Variants in PCDHGB6 observed in about 807,000 individuals in gnomAD.
PCDHGB6 encodes the protein protocadherin gamma-B6.
A neutral mutation model predicts 59.1 loss-of-function variants in PCDHGB6; 51 were observed. The observed-to-expected ratio is 0.86, with a 90% CI of 0.69 to 1.09. The LOEUF (loss-of-function observed/expected upper bound fraction) is 1.09. Among genes scored for constraint, PCDHGB6 ranks in the 50% least tolerant of loss-of-function variants. PCDHGB6 has a pLI of 0.00. For missense variants in PCDHGB6, 1,148 were observed against 1,205.1 expected, an observed-to-expected ratio of 0.95 and a Z score of 0.70; for synonymous variants, 466 against 495.1, an observed-to-expected ratio of 0.94 and a Z score of 0.78.
At chr5:141,411,846 T>C (rs962000304) in intron 1 of PCDHGB6, 1 of 151,734 alleles carries the variant, frequency 6.6e-6, no homozygotes, top group African/African-American at 2.4e-5. Context: ...GGTGACAGAG[T>C]GAGACCCTGT....
intron 1 of PCDHGB6, chr5:141,427,194 T>G (rs759512205): frequency 6.6e-6 from 3 of 456,512 alleles, no homozygotes; most frequent in Non-Finnish European, 1.3e-5. Context: ...ATCCAAAGAC[T>G]TAATAGACTT....
chr5:141,486,967 G>C lies in PCDHGB6; in HGVS notation c.2419-7840G>C. The C allele has an allele frequency of 6.2e-7, 1 of 1,614,202 alleles. No homozygotes were observed. Among genetic ancestry groups the C allele is most frequent in the Non-Finnish European group, 8.5e-7 (1 of 1,180,032 alleles). ...TCACAAAGGTGACTGCTGTGGACTT[G>C]GATTCAGGTTACAATGCTTGGGTTT... On this transcript the variant is annotated intron_variant, in intron 1 of 3. Transcript: ENST00000520790. The surrounding 1 kb of genome is among the most constrained non-coding windows in gnomAD (Gnocchi z 5.0).
intron 1 of PCDHGB6, chr5:141,419,059 T>C (rs574873856): frequency 1.6e-5 from 26 of 1,613,962 alleles, no homozygotes; most frequent in Non-Finnish European, 2.0e-5. Context: ...CTTCTAATAA[T>C]TACTACAAGC....
chr5:141,478,870 GT>G, intron 1 of PCDHGB6: 1 of 1,273,360 alleles, frequency 7.9e-7, no homozygotes, highest in Non-Finnish European at 1.0e-6. Context: ...AGCGATCAGA[GT>G]TTAGCTTGGT....
chr5:141,420,846 T>C (rs2096528755), intron 1 of PCDHGB6, among the ~76,000 whole-genome samples: 1 of 152,252 alleles, frequency 6.6e-6, no homozygotes, highest in Non-Finnish European at 1.5e-5. Context: ...GTGTTCTTGG[T>C]AAAGTTTTAA....
At chr5:141,450,551 G>T (rs2098684306) in intron 1 of PCDHGB6, among the ~76,000 whole-genome samples, 1 of 150,822 alleles carries the variant, frequency 6.6e-6, no homozygotes, top group Admixed American at 6.6e-5. Flanking sequence ...CAGTGGCGCA[G>T]TCTCGGCTCA....
intron 1 of PCDHGB6, chr5:141,415,086 G>C: frequency 5.6e-6 from 9 of 1,613,554 alleles, no homozygotes; most frequent in Non-Finnish European, 6.8e-6. Context: ...GAGCCCTGCT[G>C]GACAGAGACG....
intron 1 of PCDHGB6, among the ~76,000 whole-genome samples, chr5:141,474,703 C>G (rs2099353282): frequency 6.6e-6 from 1 of 152,188 alleles, no homozygotes; most frequent in Admixed American, 6.5e-5. Flanking sequence ...GTTCAAGGTT[C>G]TATTATACTT....
chr5:141,486,706 C>T lies in PCDHGB6; in HGVS notation c.2419-8101C>T. 1.2e-6 allele frequency: 2 copies of T among 1,614,154 alleles called. No homozygotes were observed. Among genetic ancestry groups the T allele is most frequent in the Admixed American group, 1.7e-5 (1 of 60,020 alleles). On this transcript the variant is annotated intron_variant, in intron 1 of 3. Transcript: ENST00000520790. This position sits in a 1 kb window ranked among gnomAD's most constrained non-coding sequence, Gnocchi z 5.0. ...CAGCTTCCTCTTTCATCTCTCTGAACCCCCAGACAGGAGCTGTTCATGCTA... is the reference window on the plus strand; with the variant it reads ...CAGCTTCCTCTTTCATCTCTCTGAATCCCCAGACAGGAGCTGTTCATGCTA...
chr5:141,419,644 CG>C (rs1418985518), intron 1 of PCDHGB6: 2 of 1,612,396 alleles, frequency 1.2e-6, no homozygotes, highest in Non-Finnish European at 1.7e-6. Flanking sequence ...TGGCCGTGGA[CG>C]CGGACTCGGG....
intron 1 of PCDHGB6, among the ~76,000 whole-genome samples, chr5:141,492,760 C>T (rs991820569): frequency 1.3e-5 from 2 of 152,212 alleles, no homozygotes; most frequent in Admixed American, 1.3e-4. Context: ...CAGGGCTCCG[C>T]GTTGGGCGAG....
chr5:141,497,540 CTTT>C (rs754207034), intron 2 of PCDHGB6, among the ~76,000 whole-genome samples: 11 of 134,886 alleles, frequency 8.2e-5, no homozygotes, highest in African/African-American at 1.9e-4. Context: ...TGCAACAAAC[CTTT>C]TTTTTTTTTT....
At chr5:141,444,188 T>TTTTTTTTTTG (rs2098424052) in intron 1 of PCDHGB6, among the ~76,000 whole-genome samples, 1 of 129,374 alleles carries the variant, frequency 7.7e-6, no homozygotes, top group African/African-American at 3.1e-5. Flanking sequence ...TTTTTTTTTT[T>TTTTTTTTTTG]GAGATGGAGT....
rs1356654620 is a variant in PCDHGB6 at position 141,490,430 on chromosome 5, TTAA to T, written c.2419-4376_2419-4374del. On this transcript the variant is annotated intron_variant, in intron 1 of 3. Coordinates refer to ENST00000520790, the MANE Select transcript of PCDHGB6 (RefSeq NM_018926.3). The surrounding 1 kb of genome is among the most constrained non-coding windows in gnomAD (Gnocchi z 5.4). ...ATCTCTCCGGACCTGCCATTTCAGA[TTAA>T]GCCTTCTGAGAACCACTACTCGCTG... 1 of 1,614,162 alleles carries T rather than the reference TTAA, an allele frequency of 6.2e-7. No individual in the cohort carries two copies.
In PCDHGB6 at chr5:141,409,079, T is replaced by C. The variant is rs2095221320; in HGVS notation, c.877T>C (p.Ser293Pro). 2.5e-6 allele frequency: 4 copies of C among 1,613,908 alleles called. No individual in the cohort carries two copies. The highest frequency in any genetic ancestry group is 3.4e-6 in the Non-Finnish European group (4 of 1,179,910). The change falls in exon 1 of 4, where the codon TCA becomes CCA. Residue 293 changes from serine to proline, a missense_variant. Coordinates refer to ENST00000520790, the MANE Select transcript of PCDHGB6 (RefSeq NM_018926.3). ...STAQSTKHMF[S>P]LDEKTGMIKN... ...TGCCCAGAGCACAAAACATATGTTC[T>C]CATTGGATGAGAAAACAGGTATGAT... is the stretch of plus-strand genomic sequence containing the variant.
intron 1 of PCDHGB6, chr5:141,433,169 C>T: frequency 6.2e-7 from 1 of 1,613,000 alleles, no homozygotes; most frequent in Non-Finnish European, 8.5e-7. Context: ...TAAAGACAGT[C>T]ATGGGTTAAT....
At chr5:141,445,524 TA>T (rs1180348783) in intron 1 of PCDHGB6, among the ~76,000 whole-genome samples, 1 of 152,192 alleles carries the variant, frequency 6.6e-6, no homozygotes, top group Admixed American at 6.5e-5. Flanking sequence ...ACAGGTCTGA[TA>T]AAAGCCAACA....
chr5:141,498,265 T>G (rs2099782779), intron 2 of PCDHGB6, among the ~76,000 whole-genome samples: 2 of 152,010 alleles, frequency 1.3e-5, no homozygotes, highest in Non-Finnish European at 2.9e-5. Context: ...TGTTGAGTTC[T>G]TCAGTAAACT....
chr5:141,414,251 C>T, intron 1 of PCDHGB6: 3 of 1,613,346 alleles, frequency 1.9e-6, no homozygotes, highest in Non-Finnish European at 2.5e-6. Context: ...CTATTTAGTC[C>T]AGTGACTGAA....
Sources: allele counts gnomAD v4.1 joint callset (sites outside exome capture counted in the v4.1 genomes callset), GRCh38; gene constraint gnomAD v4.1.1; non-coding constraint Gnocchi (gnomAD v3.1); transcripts MANE v1.5; gene names NCBI Gene and HGNC (gene_info 2026-07-23, HGNC 2026-07-21).